The following CCDC14 variants were observed in gnomAD, a reference collection of about 807,000 sequenced individuals.
CCDC14 encodes coiled-coil domain containing 14, also known as coiled-coil domain-containing protein 14.
Under a neutral mutation model 81.4 loss-of-function variants are expected in CCDC14, and 71 were observed. The ratio of observed to expected loss-of-function variants is 0.87; its 90% confidence interval spans 0.72 to 1.06. CCDC14 has a LOEUF of 1.06. Among genes scored for constraint, CCDC14 ranks in the 50% least tolerant of loss-of-function variants. The pLI, the probability that CCDC14 is intolerant of heterozygous loss-of-function variation, is 0.00. For missense variants in CCDC14, 1,046 were observed against 1,047.3 expected (o/e 1.00, Z 0.02); for synonymous variants, 332 against 364.8 (o/e 0.91, Z 1.03).
At chr3:123,946,701 T>C in intron 8 of CCDC14, 102 bp downstream of exon 8, 1 of 1,188,916 alleles carries the variant, frequency 8.4e-7, no homozygotes, top group Non-Finnish European at 1.2e-6. Context: ...AAAACACAGT[T>C]CTATGGAAAA....
intron 2 of CCDC14, 104 bp downstream of exon 2, chr3:123,956,636 G>A (rs1313968246): frequency 7.9e-6 from 7 of 887,606 alleles, no homozygotes; most frequent in East Asian, 2.7e-5. Context: ...AGCTTGTGAT[G>A]GTAGAGGCCT....
chr3:123,900,991 T>C (rs1043332063), intron 5 of CCDC14, among the ~76,000 whole-genome samples: 1 of 152,044 alleles, frequency 6.6e-6, no homozygotes, highest in African/African-American at 2.4e-5. Flanking sequence ...TCCAGCACTT[T>C]GGGAGGCTAA....
Position 123,955,881 on chromosome 3 carries a change from T to C in CCDC14, c.314A>G (p.Glu105Gly), listed in dbSNP as rs1317315467. 1.3e-6 allele frequency: 2 copies of C among 1,536,376 alleles called. No homozygotes were observed. The highest frequency in any genetic ancestry group is 1.4e-5 in the African/African-American group (1 of 72,426). The change falls in exon 5 of 13, where the codon GAA (glutamate) becomes GGA (glycine). Residue 105 changes from glutamate to glycine, a missense_variant. Physicochemically the swap from Glu to Gly is moderately conservative, Grantham distance 98. Transcript: ENST00000409697. ...KRYGSKKKRHEKHTIPLVVQK... is the reference protein window; with the variant it reads ...KRYGSKKKRHGKHTIPLVVQK... ...GACTACCAAAGGAATAGTATGTTTTTCATGTCTTTTCTTTTTTGATCCGTA... is the reference window on the plus strand; with the variant it reads ...GACTACCAAAGGAATAGTATGTTTTCCATGTCTTTTCTTTTTTGATCCGTA...
Position 123,925,397 on chromosome 3 carries a change from T to C in CCDC14, c.1778+5705A>G, listed in dbSNP as rs113025692. Among the ~76,000 whole-genome samples the C allele has an allele frequency of 1.0e-3, 157 of 152,140 alleles. 1 individual carries two copies. Among genetic ancestry groups the C allele is most frequent in the African/African-American group, 3.5e-3 (147 of 41,518 alleles). On this transcript the variant is annotated intron_variant, in intron 12 of 12. Coordinates refer to ENST00000409697, the MANE Select transcript of CCDC14 (RefSeq NM_001366335.1). ...CAAAGGGTACAAAGTTTCAGTTACA[T>C]AGAAGGAATAAGTTTGTGGGTTCTA... is the stretch of plus-strand genomic sequence containing the variant.
In CCDC14 at chr3:123,946,888, C is replaced by A; in HGVS notation, c.1116G>T (p.Lys372Asn). 1 of 1,613,788 alleles carries A rather than the reference C, an allele frequency of 6.2e-7. No homozygotes were observed. Among genetic ancestry groups the A allele is most frequent in the Non-Finnish European group, 8.5e-7 (1 of 1,179,814 alleles). The change falls in exon 8 of 13, where the codon AAG becomes AAT. Residue 372 changes from lysine to asparagine, a missense_variant. Coordinates refer to ENST00000409697, the MANE Select transcript of CCDC14 (RefSeq NM_001366335.1). ...RDTKTVKDVQ[K>N]AKNVNKTAEK... ...CAGCTGTCTTGTTCACATTTTTTGC[C>A]TTCTGTACATCCTTCACTGTTTTTG...
intron 5 of CCDC14, among the ~76,000 whole-genome samples, chr3:123,906,102 G>C (rs1405290965): frequency 6.6e-6 from 1 of 152,108 alleles, no homozygotes; most frequent in African/African-American, 2.4e-5. Flanking sequence ...GGCCAAGGCG[G>C]GTGGATCATG....
intron 1 of CCDC14, chr3:123,957,682 T>C (rs1414635147): frequency 6.6e-6 from 1 of 152,052 alleles, no homozygotes; most frequent in South Asian, 2.1e-4. Context: ...CCAGAAACAG[T>C]TAATCATGGT....
chr3:123,956,465 T>G, intron 2 of CCDC14, 38 bp from the exon 3 acceptor site: 1 of 1,420,294 alleles, frequency 7.0e-7, no homozygotes, highest in Non-Finnish European at 9.6e-7. Flanking sequence ...ACAAATATTT[T>G]TCCCAAAATA....
At chr3:123,957,595 T>C (rs941215178) in intron 1 of CCDC14, 1 of 152,122 alleles carries the variant, frequency 6.6e-6, no homozygotes, top group African/African-American at 2.4e-5. Context: ...GTGACAATAA[T>C]GGACAACCTT....
intron 12 of CCDC14, among the ~76,000 whole-genome samples, chr3:123,921,544 A>G (rs1001665001): frequency 1.3e-5 from 2 of 152,144 alleles, no homozygotes; most frequent in African/African-American, 4.8e-5. Flanking sequence ...CTGAAGGGAG[A>G]GACAGACTGA....
At chr3:123,913,419 C>G (rs888439533), downstream of CCDC14, 2 of 982,592 alleles carry the variant, frequency 2.0e-6, no homozygotes, top group Admixed American at 6.2e-5. Flanking sequence ...ACAGATGACA[C>G]AATTTTTTTC....
At chr3:123,933,529 T>A (rs1208341098) in intron 10 of CCDC14, 144 bp downstream of exon 10, 2 of 616,832 alleles carry the variant, frequency 3.2e-6, no homozygotes, top group Non-Finnish European at 5.6e-6. Context: ...TGTATATTAT[T>A]GGGAAGTGAC....
chr3:123,956,486 T>C (rs979758597), intron 2 of CCDC14, 59 bp from the exon 3 acceptor site: 5 of 1,209,728 alleles, frequency 4.1e-6, no homozygotes, highest in Non-Finnish European at 4.7e-6. Context: ...TATTAGTAAG[T>C]AGTCATTTTC....
In CCDC14 at chr3:123,914,818, T is replaced by C. The variant is rs13319634; in HGVS notation, c.2679A>G (p.Arg893=). 7,254 of 1,584,168 alleles carry C rather than the reference T, an allele frequency of 4.6e-3. 275 individuals are homozygous for C. The African/African-American group carries it at 0.081, about 18-fold the overall frequency. Residue 893 remains arginine (R), a synonymous_variant, in exon 13 of 13, where the codon AGA becomes AGG. Coordinates refer to ENST00000409697, the MANE Select transcript of CCDC14 (RefSeq NM_001366335.1). The part of the protein sequence containing the change: ...GLAALDANIA[R]LQKSLRTGLL... ...GACCAGTCCTTAAAGACTTCTGGAG[T>C]CTAGCTATGTTGGCATCTAATGCCG...
Position 123,914,880 on chromosome 3 carries a change from T to C in CCDC14, c.2617A>G (p.Thr873Ala), listed in dbSNP as rs1456282086. ...DWSISSFSTF[T>A]SRDEQDFRNG... ...CTGAAGTCTTGTTCATCACGAGAAGTGAACGTTGAAAACGAAGAGATGCTC... is the reference window on the plus strand; with the variant it reads ...CTGAAGTCTTGTTCATCACGAGAAGCGAACGTTGAAAACGAAGAGATGCTC... The change falls in exon 13 of 13, where the codon ACT (threonine) becomes GCT (alanine). Residue 873 changes from threonine to alanine, a missense_variant. Coordinates refer to ENST00000409697, the MANE Select transcript of CCDC14 (RefSeq NM_001366335.1). 1 of 1,613,464 alleles carries C rather than the reference T, an allele frequency of 6.2e-7. No individual in the cohort carries two copies. The highest frequency in any genetic ancestry group is 8.5e-7 in the Non-Finnish European group (1 of 1,179,662).
At chr3:123,894,422 T>C (rs1223801371), downstream of CCDC14, among the ~76,000 whole-genome samples, 1 of 152,336 alleles carries the variant, frequency 6.6e-6, no homozygotes, top group East Asian at 1.9e-4. Context: ...TTTTTCAAGA[T>C]TGTTTTAGCT....
At chr3:123,899,412 C>T (rs1281049811) in intron 5 of CCDC14, among the ~76,000 whole-genome samples, 1 of 152,144 alleles carries the variant, frequency 6.6e-6, no homozygotes, top group Non-Finnish European at 1.5e-5. Context: ...TCTGAGTACC[C>T]AGCTTTTGGA....
intron 12 of CCDC14, among the ~76,000 whole-genome samples, chr3:123,922,766 A>G (rs1482814210): frequency 6.6e-6 from 1 of 152,188 alleles, no homozygotes; most frequent in Admixed American, 6.5e-5. Context: ...TTATAGCTGA[A>G]TTCTAACCAA....
intron 5 of CCDC14, chr3:123,954,906 C>T (rs1294669938): frequency 6.6e-6 from 1 of 152,070 alleles, no homozygotes; most frequent in African/African-American, 2.4e-5. Flanking sequence ...CCAGTGGCTA[C>T]CATCTTGAAT....
Sources: gnomAD v4.1 joint callset for allele counts (sites outside exome capture counted in the v4.1 genomes callset) on GRCh38, gnomAD v4.1.1 for gene constraint, MANE v1.5 for transcripts, NCBI Gene and HGNC (gene_info 2026-07-23, HGNC 2026-07-21) for gene names.